JARID2: variants seen among roughly 807,000 people sequenced by gnomAD.
The protein encoded by JARID2 is protein Jumonji.
Under a neutral mutation model 125.6 loss-of-function variants are expected in JARID2, and 21 were observed. That is an observed-to-expected ratio of 0.17 (90% CI 0.12 to 0.24). The LOEUF is 0.24. Ranked by LOEUF, JARID2 falls within the 10% of genes least tolerant of loss-of-function variation. The probability of loss-of-function intolerance (pLI) is 1.00; values close to 1 mark genes in which losing one functional copy is unlikely to be tolerated. For synonymous variants in JARID2, 736 were observed against 661.6 expected, an observed-to-expected ratio of 1.11 and a Z score of -1.73; for missense variants, 1,303 against 1,639.6, an observed-to-expected ratio of 0.79 and a Z score of 3.55.
At chr6:15,309,224 G>C (rs1761933306) in intron 1 of JARID2, among the ~76,000 whole-genome samples, 1 of 152,044 alleles carries the variant, frequency 6.6e-6, no homozygotes, top group South Asian at 2.1e-4. Context: ...TCATCTTTGG[G>C]CTTAAAAATC....
At position 15,468,647 on chromosome 6, in the gene JARID2, A is replaced by G. The variant is rs553690732; in HGVS notation, c.599A>G (p.Asn200Ser). 17 of 1,614,064 alleles carry G rather than the reference A, an allele frequency of 1.1e-5. No individual in the cohort carries two copies. The highest frequency in any genetic ancestry group is 6.6e-5 in the South Asian group (6 of 91,086). Residue 200 changes from asparagine to serine, a missense_variant, in exon 5 of 18, where the codon AAC becomes AGC. Asn to Ser is a conservative substitution (Grantham distance 46, BLOSUM62 1). Coordinates refer to ENST00000341776, the MANE Select transcript of JARID2 (RefSeq NM_004973.4). ...ACAGAAGACGTCAAAACAGCCACCA[A>G]CAATGCTTCATCTTCATGCCAGTCG... ...DETEDVKTAT[N>S]NASSSCQSTP...
chr6:15,299,092 ATCT>A (rs143101032), intron 1 of JARID2, among the ~76,000 whole-genome samples: 6,473 of 152,090 alleles, frequency 0.043, 209 homozygotes, highest in East Asian at 0.097. Flanking sequence ...ACACGAACAC[ATCT>A]GAAGGAAAGA....
chr6:15,306,628 G>A (rs527653918), intron 1 of JARID2, among the ~76,000 whole-genome samples: 6 of 151,892 alleles, frequency 4.0e-5, no homozygotes, highest in Middle Eastern at 3.4e-3. Context: ...GTGAGTCACC[G>A]TGCCTGGCCC....
chr6:15,270,234 G>A (rs1021704469), intron 1 of JARID2, among the ~76,000 whole-genome samples: 6 of 152,136 alleles, frequency 3.9e-5, no homozygotes, highest in Non-Finnish European at 5.9e-5. Flanking sequence ...CTGGGTTCAC[G>A]CGATTCTCCT....
At chr6:15,270,122 G>T (rs948397922) in intron 1 of JARID2, among the ~76,000 whole-genome samples, 1 of 151,986 alleles carries the variant, frequency 6.6e-6, no homozygotes, top group African/African-American at 2.4e-5. Context: ...CCTTCAGTCC[G>T]TCCATCTGTC....
chr6:15,271,796 T>TA (rs1205775882), intron 1 of JARID2, among the ~76,000 whole-genome samples: 1 of 152,166 alleles, frequency 6.6e-6, no homozygotes, highest in Non-Finnish European at 1.5e-5. Flanking sequence ...GGCCAGGAGT[T>TA]AAAGACAATC....
intron 3 of JARID2, among the ~76,000 whole-genome samples, chr6:15,419,749 G>C (rs1766402776): frequency 6.6e-6 from 1 of 152,130 alleles, no homozygotes; most frequent in Non-Finnish European, 1.5e-5. Context: ...GAATCCTGTT[G>C]TTATTTTCAT....
intron 1 of JARID2, among the ~76,000 whole-genome samples, chr6:15,252,822 T>A (rs1007322994): frequency 2.0e-5 from 3 of 152,156 alleles, no homozygotes; most frequent in Non-Finnish European, 1.5e-5. Context: ...CAAGCCTCAA[T>A]TGCTTTTCCA....
chr6:15,511,954 T>G (rs1771299950), intron 13 of JARID2, among the ~76,000 whole-genome samples: 1 of 152,204 alleles, frequency 6.6e-6, no homozygotes, highest in Non-Finnish European at 1.5e-5. Flanking sequence ...TTTCCAGCCC[T>G]GGCATTGCCA....
chr6:15,338,782 A>G (rs1762967359), intron 1 of JARID2, among the ~76,000 whole-genome samples: 1 of 152,174 alleles, frequency 6.6e-6, no homozygotes, highest in African/African-American at 2.4e-5. Context: ...CTTCCAGCAG[A>G]TGCCCTTTGA....
chr6:15,286,916 A>G (rs978998455), intron 1 of JARID2, among the ~76,000 whole-genome samples: 13 of 151,118 alleles, frequency 8.6e-5, no homozygotes, highest in Admixed American at 5.9e-4. Flanking sequence ...AGCCATCCAT[A>G]TTACAACTGC....
rs79014526 is a variant in JARID2, at chr6:15,417,524, A to G, written c.323+7159A>G. Among the ~76,000 whole-genome samples the G allele has an allele frequency of 7.2e-3, 1,100 of 152,302 alleles. 14 individuals carry two copies. The highest frequency in any genetic ancestry group is 0.025 in the African/African-American group (1,046 of 41,570). Reference sequence around the variant, plus strand: ...AGGCTGAGGCCGGCCGGCCACTTGAATCCAGGAGTTGGAGAGACCTGCGTG... The same window carrying G: ...AGGCTGAGGCCGGCCGGCCACTTGAGTCCAGGAGTTGGAGAGACCTGCGTG... On this transcript the variant is annotated intron_variant, in intron 3 of 17. Transcript: ENST00000341776.
chr6:15,341,252 A>G (rs1763061274), intron 1 of JARID2, among the ~76,000 whole-genome samples: 1 of 152,104 alleles, frequency 6.6e-6, no homozygotes, highest in African/African-American at 2.4e-5. Context: ...TCATGTACCT[A>G]CTGTTTACAT....
At chr6:15,359,244 A>T (rs938197791) in intron 1 of JARID2, among the ~76,000 whole-genome samples, 3 of 151,940 alleles carry the variant, frequency 2.0e-5, no homozygotes, top group Admixed American at 6.6e-5. Flanking sequence ...AGTGGGAATG[A>T]TTTTCTGCAG....
In JARID2 at chr6:15,502,080, C is replaced by T. The variant is rs557727071; in HGVS notation, c.2448+671C>T. Among the ~76,000 whole-genome samples, 237 of 152,372 alleles carry T rather than the reference C, an allele frequency of 1.6e-3. 1 individual carries two copies. The highest frequency in any genetic ancestry group is 5.3e-3 in the African/African-American group (222 of 41,594). On this transcript the variant is annotated intron_variant, in intron 8 of 17. Transcript: ENST00000341776. ...CCATCAAAATGAATCTCACCATTCA[C>T]ACGCTGTGGAGGGAAGAGCTGGGGA...
At chr6:15,340,969 A>T in intron 1 of JARID2, among the ~76,000 whole-genome samples, 1 of 152,200 alleles carries the variant, frequency 6.6e-6, no homozygotes, top group Non-Finnish European at 1.5e-5. Context: ...TCGAAGCAGG[A>T]AGCGGTGCTA....
chr6:15,349,311 TGGGCAGGTAA>T (rs911255969), intron 1 of JARID2, among the ~76,000 whole-genome samples: 2 of 152,192 alleles, frequency 1.3e-5, no homozygotes, highest in African/African-American at 4.8e-5. Context: ...TGGAATTTTG[TGGGCAGGTAA>T]GTTTTTAGTG....
Position 15,496,913 on chromosome 6 carries a change from C to A in JARID2, c.1688C>A (p.Ser563Tyr), listed in dbSNP as rs1178362050. 2 of 1,601,928 alleles carry A rather than the reference C, an allele frequency of 1.2e-6. No individual in the cohort carries two copies. Among genetic ancestry groups the A allele is most frequent in the Non-Finnish European group, 8.5e-7 (1 of 1,171,810 alleles). The part of the protein sequence containing the change: ...AMDEIPVLRP[S>Y]AKEFHDPLIY... ...GACGAGATCCCCGTCCTCAGGCCCT[C>A]CGCCAAGGAGTTCCACGATCCGCTC... is the stretch of plus-strand genomic sequence containing the variant. The change falls in exon 7 of 18, where the codon TCC becomes TAC. Residue 563 changes from serine to tyrosine, a missense_variant. By Grantham distance (144) the Ser-to-Tyr change is moderately radical. Around this residue, in one of 11 missense-constraint regions of JARID2, gnomAD observed 651 missense variants for 581.6 expected, o/e 1.12. Coordinates refer to ENST00000341776, the MANE Select transcript of JARID2 (RefSeq NM_004973.4).
chr6:15,311,021 C>T (rs1272899514), intron 1 of JARID2, among the ~76,000 whole-genome samples: 1 of 152,132 alleles, frequency 6.6e-6, no homozygotes, highest in Non-Finnish European at 1.5e-5. Flanking sequence ...CTTTGGGATG[C>T]GGGTATTTTA....
Sources: allele counts gnomAD v4.1 joint callset (sites outside exome capture counted in the v4.1 genomes callset), GRCh38; gene constraint gnomAD v4.1.1; regional missense constraint gnomAD v4.1.1; transcripts MANE v1.5; gene names NCBI Gene and HGNC (gene_info 2026-07-23, HGNC 2026-07-21).